Variants in KCNMA1 observed in about 807,000 individuals in gnomAD.
The protein encoded by KCNMA1 is potassium calcium-activated channel subfamily M alpha 1.
A neutral mutation model predicts 140.0 loss-of-function variants in KCNMA1; 29 were observed. The observed-to-expected ratio is 0.21, with a 90% confidence interval of 0.15 to 0.28. The LOEUF is 0.28. Among genes scored for constraint, KCNMA1 ranks in the 10% least tolerant of loss-of-function variants. KCNMA1 has a pLI of 1.00. For synonymous variants in KCNMA1, 612 were observed against 611.9 expected (o/e 1.00, Z 0.00); for missense variants, 880 against 1,602.2 (o/e 0.55, Z 7.70).
At chr10:77,359,320 C>T (rs2093754320) in intron 2 of KCNMA1, among the ~76,000 whole-genome samples, 1 of 152,070 alleles carries the variant, frequency 6.6e-6, no homozygotes, top group African/African-American at 2.4e-5. Flanking sequence ...TGTGTGAGCG[C>T]CGCAATGACA....
At chr10:77,622,222 T>C (rs2091579325) in intron 1 of KCNMA1, among the ~76,000 whole-genome samples, 2 of 152,346 alleles carry the variant, frequency 1.3e-5, no homozygotes, top group African/African-American at 4.8e-5. Context: ...TTGACATACC[T>C]GAGAATTCAG....
intron 2 of KCNMA1, among the ~76,000 whole-genome samples, chr10:77,358,756 C>T (rs1450539988): frequency 6.6e-6 from 1 of 152,214 alleles, no homozygotes; most frequent in African/African-American, 2.4e-5. Flanking sequence ...GTAACATCTA[C>T]CATGATATTA....
intron 3 of KCNMA1, among the ~76,000 whole-genome samples, chr10:77,193,644 G>A (rs960140773): frequency 2.6e-5 from 4 of 152,148 alleles, no homozygotes; most frequent in Non-Finnish European, 4.4e-5. Flanking sequence ...GTTCATGTGG[G>A]TGGGCACCCA....
intron 1 of KCNMA1, among the ~76,000 whole-genome samples, chr10:77,443,171 AG>A (rs2097446575): frequency 6.6e-6 from 1 of 152,050 alleles, no homozygotes. Context: ...CTCCCAAAAG[AG>A]GGGGAAAGGC....
chr10:76,876,630 T>C (rs2032433162), downstream of KCNMA1: 1 of 152,254 alleles, frequency 6.6e-6, no homozygotes, highest in Non-Finnish European at 1.5e-5. Flanking sequence ...AGTTCATGTG[T>C]TTGGCCCCAG....
intron 1 of KCNMA1, among the ~76,000 whole-genome samples, chr10:77,469,473 G>A (rs1012946688): frequency 1.3e-5 from 2 of 152,156 alleles, no homozygotes; most frequent in Non-Finnish European, 2.9e-5. Context: ...TGAATATAAC[G>A]GTTGCCAGAG....
chr10:77,424,361 A>T (rs964770984), intron 1 of KCNMA1, among the ~76,000 whole-genome samples: 6 of 152,190 alleles, frequency 3.9e-5, no homozygotes, highest in Non-Finnish European at 5.9e-5. Flanking sequence ...CACTGCCCCC[A>T]TATGGCAAAT....
chr10:77,427,787 T>C (rs1445950927), intron 1 of KCNMA1, among the ~76,000 whole-genome samples: 1 of 151,938 alleles, frequency 6.6e-6, no homozygotes, highest in Non-Finnish European at 1.5e-5. Context: ...TCTCGCTCTG[T>C]CACCCAGGCT....
At position 76,886,737 on chromosome 10, in the gene KCNMA1, C is replaced by A; in HGVS notation, c.*529G>T. ...TTTCAAATGCTTCGCAATACTTCGGCCCAGAGACTGGAAACAATCAATATG... is the reference window on the plus strand; with the variant it reads ...TTTCAAATGCTTCGCAATACTTCGGACCAGAGACTGGAAACAATCAATATG... On this transcript the variant is annotated 3_prime_UTR_variant, in exon 28 of 28. Coordinates refer to ENST00000286628, the MANE Select transcript of KCNMA1 (RefSeq NM_001161352.2). The A allele has an allele frequency of 9.9e-7, 1 of 1,009,256 alleles. No individual in the cohort carries two copies. Among genetic ancestry groups the A allele is most frequent in the Non-Finnish European group, 1.2e-6 (1 of 843,578 alleles). 62.5% of individuals were successfully genotyped at this position (1,009,256 alleles called of 1,614,324 possible). A position where few individuals can be genotyped will look rare whatever the true frequency, so the allele number is the denominator to read the frequency against.
In KCNMA1 at chr10:77,304,584, T is replaced by A. The variant is rs546035178; in HGVS notation, c.541-53328A>T. On this transcript the variant is annotated intron_variant, in intron 2 of 27. Coordinates refer to ENST00000286628, the MANE Select transcript of KCNMA1 (RefSeq NM_001161352.2). ...GCAGGAGCAACACGTGCCATAATGG[T>A]AAAATAATTTGGGAAAAAATGGCAA... The A allele has an allele frequency of 7.2e-5, 11 of 152,322 alleles. No homozygotes were observed. In the South Asian group the frequency reaches 2.1e-3, roughly 29 times the overall value. 9.4% of individuals were successfully genotyped at this position (152,322 alleles called of 1,614,324 possible).
In KCNMA1 at chr10:77,490,179, G is replaced by T. The variant is rs548881012; in HGVS notation, c.379-86156C>A. Among the ~76,000 whole-genome samples, 14 of 152,246 alleles carry T rather than the reference G, an allele frequency of 9.2e-5. No homozygotes were observed. The South Asian group carries it at 2.9e-3, about 32-fold the overall frequency. On this transcript the variant is annotated intron_variant, in intron 1 of 27. Transcript: ENST00000286628. ...ATGACCCTATATCCTAATATCTAGG[G>T]CTCCCACCACTTTTAACAGTCGAGA... is the stretch of plus-strand genomic sequence containing the variant.
intron 2 of KCNMA1, among the ~76,000 whole-genome samples, chr10:77,402,106 T>G (rs1348876607): frequency 6.6e-6 from 1 of 152,186 alleles, no homozygotes; most frequent in Non-Finnish European, 1.5e-5. Context: ...TGCTCCCCAT[T>G]CACTATCACC....
intron 5 of KCNMA1, among the ~76,000 whole-genome samples, chr10:77,123,129 G>A (rs554682093): frequency 2.3e-5 from 3 of 129,178 alleles, no homozygotes; most frequent in Admixed American, 8.9e-5. Flanking sequence ...GCAGTAAGCC[G>A]AGATCGCGCC....
intron 19 of KCNMA1, among the ~76,000 whole-genome samples, chr10:76,976,677 T>C (rs1010944091): frequency 2.0e-5 from 3 of 152,276 alleles, no homozygotes; most frequent in African/African-American, 7.2e-5. Context: ...ATATCTTCGC[T>C]GTAGACTTGA....
chr10:77,226,289 A>C (rs1026958875), intron 3 of KCNMA1, among the ~76,000 whole-genome samples: 1 of 152,136 alleles, frequency 6.6e-6, no homozygotes, highest in Non-Finnish European at 1.5e-5. Flanking sequence ...TGTAATAATC[A>C]GAACTAAGAG....
intron 1 of KCNMA1, among the ~76,000 whole-genome samples, chr10:77,519,933 G>T (rs1203266471): frequency 1.3e-5 from 2 of 151,430 alleles, no homozygotes; most frequent in African/African-American, 2.4e-5. Flanking sequence ...TGTGCAGTAT[G>T]CAGCGTGAGG....
intron 5 of KCNMA1, among the ~76,000 whole-genome samples, chr10:77,175,839 A>G (rs1286735783): frequency 6.6e-6 from 1 of 152,172 alleles, no homozygotes; most frequent in African/African-American, 2.4e-5. Flanking sequence ...AAGGGGAGGC[A>G]GGAGGCAGGG....
At chr10:77,005,305 G>T (rs1223623538) in intron 18 of KCNMA1, among the ~76,000 whole-genome samples, 3 of 152,198 alleles carry the variant, frequency 2.0e-5, no homozygotes, top group Non-Finnish European at 4.4e-5. Context: ...GCAGTGAAAG[G>T]GTGAGAGGTC....
intron 19 of KCNMA1, among the ~76,000 whole-genome samples, chr10:76,982,857 G>A (rs2079983376): frequency 6.6e-6 from 1 of 152,126 alleles, no homozygotes; most frequent in Non-Finnish European, 1.5e-5. Context: ...ATAAAGCAGG[G>A]AGGCCCTTGG....
Sources: allele counts gnomAD v4.1 joint callset (sites outside exome capture counted in the v4.1 genomes callset), GRCh38; gene constraint gnomAD v4.1.1; transcripts MANE v1.5; gene names NCBI Gene and HGNC (gene_info 2026-07-23, HGNC 2026-07-21).